ABR: variants seen among roughly 807,000 people sequenced by gnomAD.
ABR encodes the protein active breakpoint cluster region-related protein.
ABR carries 35 observed loss-of-function variants against 107.2 expected under a neutral mutation model. The ratio of observed to expected loss-of-function variants is 0.33; its 90% CI spans 0.25 to 0.43. The LOEUF (loss-of-function observed/expected upper bound fraction) is 0.43, where lower values mean the gene tolerates loss of function less well. Ranked by LOEUF, ABR falls within the 20% of genes least tolerant of loss-of-function variation. ABR has a pLI of 1.00. For missense variants in ABR, 815 were observed against 1,115.2 expected (o/e 0.73, Z 3.83); for synonymous variants, 498 against 462.0 (o/e 1.08, Z -1.00).
At chr17:1,199,470 C>T (rs1262786918) in intron 1 of ABR, among the ~76,000 whole-genome samples, 3 of 139,630 alleles carry the variant, frequency 2.1e-5, no homozygotes, top group African/African-American at 5.5e-5. Flanking sequence ...GCAATCACAG[C>T]TCACTGTAGC....
At position 1,097,255 on chromosome 17, in the gene ABR, T is replaced by G. The variant is rs115236566; in HGVS notation, c.345+3382A>C. Among the ~76,000 whole-genome samples the G allele has an allele frequency of 5.9e-3, 904 of 152,174 alleles. 8 individuals carry two copies. Among genetic ancestry groups the G allele is most frequent in the African/African-American group, 0.02 (840 of 41,514 alleles). The stretch of plus-strand genomic sequence containing the variant: ...CCTAACCTGTCTCCTCTCCCAGCAA[T>G]AGAGAAATTAACAGTGTCAACGAAC... On this transcript the variant is annotated intron_variant, in intron 3 of 22. Coordinates refer to ENST00000302538, the MANE Select transcript of ABR (RefSeq NM_021962.5).
chr17:1,072,803 T>C, intron 7 of ABR, 49 bp from the exon 8 acceptor site: 3 of 1,587,132 alleles, frequency 1.9e-6, no homozygotes, highest in African/African-American at 1.4e-5. Flanking sequence ...TGGGGCCTGA[T>C]GTGTGGCCAC....
chr17:1,118,750 G>A (rs1333481134), intron 2 of ABR, among the ~76,000 whole-genome samples: 1 of 784 alleles, frequency 1.3e-3, no homozygotes, highest in African/African-American at 6.8e-3. Context: ...TCCTCCCAGC[G>A]TTATCCCTGA....
intron 1 of ABR, among the ~76,000 whole-genome samples, chr17:1,165,353 G>A (rs543054402): frequency 1.7e-3 from 258 of 152,332 alleles, no homozygotes; most frequent in African/African-American, 5.4e-3. Context: ...GTGGATGGCC[G>A]GGAGGAGGTG....
In ABR at chr17:1,119,471, G is replaced by A. The variant is rs1181727775; in HGVS notation, c.246+5712C>T. On this transcript the variant is annotated intron_variant, in intron 2 of 22. Coordinates refer to ENST00000302538, the MANE Select transcript of ABR (RefSeq NM_021962.5). ...TCCCTGAGCCTGAGTTCTTCCCAGC[G>A]TTATCCCTGAGCCTGAGTTCCTCCC... Among the ~76,000 whole-genome samples the A allele has an allele frequency of 1.4e-4, 8 of 59,256 alleles. No homozygotes were observed. In the East Asian group the frequency reaches 1.8e-3, roughly 13 times the overall value. 38.9% of individuals were successfully genotyped at this position (59,256 alleles called of 152,430 possible).
intron 1 of ABR, among the ~76,000 whole-genome samples, chr17:1,167,631 G>A (rs2041564240): frequency 6.6e-6 from 1 of 152,236 alleles, no homozygotes; most frequent in Non-Finnish European, 1.5e-5. Context: ...GATGTGTTGT[G>A]TGACCTCTGG....
At chr17:1,097,358 A>C (rs1481754413) in intron 3 of ABR, among the ~76,000 whole-genome samples, 1 of 152,162 alleles carries the variant, frequency 6.6e-6, no homozygotes, top group Non-Finnish European at 1.5e-5. Flanking sequence ...TGGGAGGCCG[A>C]GGCGGGCGGA....
In ABR at chr17:1,099,879, G is replaced by C. The variant is rs145016920; in HGVS notation, c.345+758C>G. 9.1e-4 allele frequency among the ~76,000 whole-genome samples: 139 copies of C among 152,278 alleles called. No homozygotes were observed. The East Asian group carries it at 0.026, about 28-fold the overall frequency. ...GCAGTGGCTCATGCCTGTAATCCCA[G>C]CACTTTGGGAGGCCAAGGCGGGCAG... On this transcript the variant is annotated intron_variant, in intron 3 of 22. Coordinates refer to ENST00000302538, the MANE Select transcript of ABR (RefSeq NM_021962.5).
At chr17:1,185,954 G>A (rs2042285963) in intron 1 of ABR, among the ~76,000 whole-genome samples, 1 of 151,952 alleles carries the variant, frequency 6.6e-6, no homozygotes, top group Non-Finnish European at 1.5e-5. Context: ...TCCTGCCTCA[G>A]CCTCCCGAGT....
At chr17:1,120,256 A>T (rs1597887981) in intron 2 of ABR, among the ~76,000 whole-genome samples, 1 of 150,690 alleles carries the variant, frequency 6.6e-6, no homozygotes, top group Middle Eastern at 3.4e-3. Flanking sequence ...AATGATGATG[A>T]TTTTTTTTTT....
intron 16 of ABR, among the ~76,000 whole-genome samples, chr17:1,016,003 A>AAC: frequency 6.6e-6 from 1 of 152,206 alleles, no homozygotes; most frequent in Non-Finnish European, 1.5e-5. Flanking sequence ...CAGCCTGGGC[A>AAC]ATGTAGGACC....
At chr17:1,134,739 C>T (rs1055979888) in intron 1 of ABR, among the ~76,000 whole-genome samples, 1 of 152,200 alleles carries the variant, frequency 6.6e-6, no homozygotes, top group South Asian at 2.1e-4. Flanking sequence ...TTTGGTGCCA[C>T]GCTAAGGAAG....
intron 4 of ABR, among the ~76,000 whole-genome samples, chr17:1,085,767 A>G (rs569678903): frequency 1.3e-5 from 2 of 152,364 alleles, no homozygotes; most frequent in East Asian, 1.9e-4. Flanking sequence ...TACTGATTAC[A>G]TGTTCAAATA....
chr17:1,138,033 T>C (rs2151488848), intron 1 of ABR, among the ~76,000 whole-genome samples: 1 of 151,848 alleles, frequency 6.6e-6, no homozygotes, highest in Admixed American at 6.6e-5. Flanking sequence ...CCTGAGTAGC[T>C]GGGATTACAG....
intron 10 of ABR, among the ~76,000 whole-genome samples, chr17:1,066,638 A>C (rs2258088): frequency 0.93 from 142,202 of 152,122 alleles, 66,578 homozygotes; most frequent in African/African-American, 0.98. Flanking sequence ...AAGCCATTCT[A>C]CTGCCTCAGC....
rs757688803 is a variant in ABR at position 1,073,683 on chromosome 17, G to A, written c.701-6C>T. 21 of 1,600,846 alleles carry A rather than the reference G, an allele frequency of 1.3e-5. No homozygotes were observed. In the African/African-American group the frequency reaches 1.3e-4, roughly 10 times the overall value. On this transcript the variant is annotated splice_polypyrimidine_tract_variant and splice_region_variant and intron_variant, in intron 6 of 22. Transcript: ENST00000302538. Reference sequence around the variant, plus strand: ...AATGGGCTTGTAGAGCAGAGCTGTCGGGGGAGACAGGGAGAAGGAGGAAGA... The same window carrying A: ...AATGGGCTTGTAGAGCAGAGCTGTCAGGGGAGACAGGGAGAAGGAGGAAGA...
rs75289997 is a variant in ABR, at chr17:1,051,612, G to A, written c.1562-978C>T. Among the ~76,000 whole-genome samples, 1,745 of 152,324 alleles carry A rather than the reference G, an allele frequency of 0.011. 16 individuals carry two copies. Among genetic ancestry groups the A allele is most frequent in the Admixed American group, 0.019 (294 of 15,306 alleles). On this transcript the variant is annotated intron_variant, in intron 14 of 22. Transcript: ENST00000302538. This position sits in a 1 kb window ranked among gnomAD's most constrained non-coding sequence, Gnocchi z 4.3. ...GTCCTCCCACCTCCAGGGAGATGCC[G>A]AGGTTGTTCCCAGGGTACCAGAGGT... is the stretch of plus-strand genomic sequence containing the variant.
chr17:1,030,310 A>C (rs1336814257), intron 16 of ABR, among the ~76,000 whole-genome samples: 1 of 152,242 alleles, frequency 6.6e-6, no homozygotes, highest in African/African-American at 2.4e-5. Flanking sequence ...CTGGCGCTGG[A>C]CCCGGAACCT....
intron 3 of ABR, among the ~76,000 whole-genome samples, chr17:1,095,921 A>G (rs1304001269): frequency 2.6e-5 from 4 of 152,164 alleles, no homozygotes; most frequent in Admixed American, 2.0e-4. Context: ...TTTTATAGAT[A>G]AAGAGCCTGC....
Sources: allele counts gnomAD v4.1 joint callset (sites outside exome capture counted in the v4.1 genomes callset), GRCh38; gene constraint gnomAD v4.1.1; non-coding constraint Gnocchi (gnomAD v3.1); transcripts MANE v1.5; gene names NCBI Gene and HGNC (gene_info 2026-07-23, HGNC 2026-07-21).